The following EXTL3 variants were observed in gnomAD, a reference collection of about 807,000 sequenced individuals.
The protein encoded by EXTL3 is exostosin like glycosyltransferase 3.
A neutral mutation model predicts 69.3 loss-of-function variants in EXTL3; 27 were observed. That is an observed-to-expected ratio of 0.39 (90% CI 0.29 to 0.54). The LOEUF (loss-of-function observed/expected upper bound fraction) is 0.54, where lower values mean the gene tolerates loss of function less well. EXTL3 is among the 20% of genes least tolerant of loss of function. EXTL3 has a pLI of 0.69. For synonymous variants in EXTL3, 511 were observed against 499.4 expected, an observed-to-expected ratio of 1.02 and a Z score of -0.31; for missense variants, 1,003 against 1,231.8, an observed-to-expected ratio of 0.81 and a Z score of 2.78.
intron 6 of EXTL3, among the ~76,000 whole-genome samples, chr8:28,747,395 C>T (rs551469954): frequency 6.6e-6 from 1 of 152,284 alleles, no homozygotes; most frequent in East Asian, 1.9e-4. Flanking sequence ...GGGGAGCCAC[C>T]CTTTGAGCAC....
intron 4 of EXTL3, among the ~76,000 whole-genome samples, chr8:28,735,963 C>T (rs1195707776): frequency 6.6e-6 from 1 of 151,960 alleles, no homozygotes; most frequent in East Asian, 1.9e-4. Flanking sequence ...TTCATAGAGA[C>T]GGAGAGTAGA....
Position 28,717,437 on chromosome 8 carries a change from G to A in EXTL3, c.1378G>A (p.Val460Ile), listed in dbSNP as rs370924429. 3.8e-5 allele frequency: 61 copies of A among 1,614,198 alleles called. No individual in the cohort carries two copies. Among genetic ancestry groups the A allele is most frequent in the African/African-American group, 2.1e-4 (16 of 75,064 alleles). The change falls in exon 3 of 7, where the codon GTC becomes ATC. Residue 460 changes from valine to isoleucine, a missense_variant. Val to Ile is a conservative substitution (Grantham distance 29, BLOSUM62 3). Around this residue, in one of 2 missense-constraint regions of EXTL3, gnomAD observed 742 missense variants for 815.4 expected, o/e 0.91. Coordinates refer to ENST00000220562, the MANE Select transcript of EXTL3 (RefSeq NM_001440.4). The surrounding 1 kb of genome is among the most constrained non-coding windows in gnomAD (Gnocchi z 8.3). ...CTTCGAAGCCCTGGAAGTCGGTGCC[G>A]TCCCGGTGGTGCTGGGGGAGCAGGT... ...RLFEALEVGA[V>I]PVVLGEQVQL...
At chr8:28,713,395 A>C (rs1801071544) in intron 1 of EXTL3, 62 bp from the exon 2 acceptor site, 1 of 649,272 alleles carries the variant, frequency 1.5e-6, no homozygotes, top group African/African-American at 1.8e-5. Flanking sequence ...TTCAGTATTG[A>C]GTATTTTTCT....
At chr8:28,689,200 A>T (rs891061024) in intron 1 of EXTL3, among the ~76,000 whole-genome samples, 5 of 152,192 alleles carry the variant, frequency 3.3e-5, no homozygotes, top group African/African-American at 1.2e-4. Context: ...AATCACTCAC[A>T]TAAGGCATTT....
In EXTL3 at chr8:28,717,981, G is replaced by A; in HGVS notation, c.1922G>A (p.Gly641Asp). 6.2e-7 allele frequency: 1 copy of A among 1,614,186 alleles called. No individual in the cohort carries two copies. Among genetic ancestry groups the A allele is most frequent in the Middle Eastern group, 1.6e-4 (1 of 6,062 alleles). ...GGGACTGGCTTTCGGCCTATTGGTG[G>A]TGGAGCTGGGGGTTCTGGCAAGGAA... The part of the protein sequence containing the change: ...GSGTGFRPIG[G>D]GAGGSGKEFQ... Residue 641 changes from glycine (G) to aspartate (D), a missense_variant, in exon 3 of 7, where the codon GGT becomes GAT. This residue lies in a region of EXTL3 where 261 missense variants were observed against 416.4 expected (regional missense o/e 0.63). Transcript: ENST00000220562. This position sits in a 1 kb window ranked among gnomAD's most constrained non-coding sequence, Gnocchi z 8.3.
intron 1 of EXTL3, among the ~76,000 whole-genome samples, chr8:28,705,614 C>CT (rs1360953481): frequency 1.3e-5 from 2 of 151,778 alleles, no homozygotes; most frequent in Admixed American, 1.3e-4. Context: ...ACTTGCTTCA[C>CT]TTTCTCTATC....
At chr8:28,659,249 T>C (rs1807065913) in intron 1 of EXTL3, among the ~76,000 whole-genome samples, 1 of 152,218 alleles carries the variant, frequency 6.6e-6, no homozygotes, top group South Asian at 2.1e-4. Flanking sequence ...TTCATTTTTT[T>C]TTTTTTCCAT....
chr8:28,617,655 A>G (rs1386800017), intron 2 of EXTL3, among the ~76,000 whole-genome samples: 1 of 152,170 alleles, frequency 6.6e-6, no homozygotes, highest in Non-Finnish European at 1.5e-5. Flanking sequence ...GTGATGGCAC[A>G]TGCCTGTAGT....
rs1288613234 is a variant in EXTL3, at chr8:28,717,996, C to T, written c.1937C>T (p.Ser646Phe). ...CCTATTGGTGGTGGAGCTGGGGGTTCTGGCAAGGAATTTCAGGCAGCGCTT... is the reference window on the plus strand; with the variant it reads ...CCTATTGGTGGTGGAGCTGGGGGTTTTGGCAAGGAATTTCAGGCAGCGCTT... ...FRPIGGGAGGSGKEFQAALGG... is the reference protein window; with the variant it reads ...FRPIGGGAGGFGKEFQAALGG... Residue 646 changes from serine to phenylalanine, a missense_variant, in exon 3 of 7, where the codon TCT becomes TTT. Physicochemically the swap from Ser to Phe is radical, Grantham distance 155 (BLOSUM62 -2). This residue lies in a region of EXTL3 where 261 missense variants were observed against 416.4 expected (regional missense o/e 0.63). Transcript: ENST00000220562. The surrounding 1 kb of genome is among the most constrained non-coding windows in gnomAD (Gnocchi z 8.3). The T allele has an allele frequency of 6.2e-7, 1 of 1,614,082 alleles. No individual in the cohort carries two copies. Among genetic ancestry groups the T allele is most frequent in the Admixed American group, 1.7e-5 (1 of 60,014 alleles).
intron 1 of EXTL3, among the ~76,000 whole-genome samples, chr8:28,671,992 C>CT (rs1274155801): frequency 2.0e-5 from 3 of 152,098 alleles, no homozygotes; most frequent in Admixed American, 6.6e-5. Flanking sequence ...AAAACAAAAA[C>CT]TTATGTTCCT....
chr8:28,671,301 T>A (rs1293389490), intron 1 of EXTL3, among the ~76,000 whole-genome samples: 11 of 143,344 alleles, frequency 7.7e-5, no homozygotes, highest in Admixed American at 7.6e-4. Context: ...TTTTATGTTT[T>A]GTTTTTTGTT....
chr8:28,641,097 A>ACGGGT (rs1241974324), intron 1 of EXTL3, among the ~76,000 whole-genome samples: 2 of 152,230 alleles, frequency 1.3e-5, no homozygotes, highest in Non-Finnish European at 2.9e-5. Flanking sequence ...TCTGTGCTCC[A>ACGGGT]CGGGTCGGGT....
intron 3 of EXTL3, among the ~76,000 whole-genome samples, chr8:28,719,408 G>A (rs1455991585): frequency 6.6e-6 from 1 of 152,014 alleles, no homozygotes; most frequent in Non-Finnish European, 1.5e-5. Flanking sequence ...CTATGCTCTG[G>A]GCAGCTTTAA....
chr8:28,619,995 C>T (rs1366949107), upstream of EXTL3, among the ~76,000 whole-genome samples: 2 of 151,224 alleles, frequency 1.3e-5, no homozygotes, highest in African/African-American at 2.4e-5. Context: ...CTCAACCTCC[C>T]GAGTAGCTGG....
rs1431518065 is a variant in EXTL3 at position 28,677,356 on chromosome 8, A to T, written c.-52-36101A>T. On this transcript the variant is annotated intron_variant, in intron 1 of 6. Transcript: ENST00000523149. ...TTACTTGTACCTTTCTGACTCCCCC[A>T]CTGTGCCTAGGAGCCTTTGTCTCTC... 2.0e-5 allele frequency among the ~76,000 whole-genome samples: 3 copies of T among 152,132 alleles called. No individual in the cohort carries two copies. The East Asian group carries it at 5.8e-4, about 29-fold the overall frequency.
At chr8:28,672,365 C>T (rs1440447341) in intron 1 of EXTL3, among the ~76,000 whole-genome samples, 1 of 133,004 alleles carries the variant, frequency 7.5e-6, no homozygotes, top group African/African-American at 2.9e-5. Context: ...TTGCAGTGAG[C>T]CGAGATCGTG....
chr8:28,636,289 G>A (rs1290528082), intron 1 of EXTL3, among the ~76,000 whole-genome samples: 3 of 149,720 alleles, frequency 2.0e-5, no homozygotes, highest in East Asian at 3.9e-4. Flanking sequence ...CCGAGATCGC[G>A]CGACTGCACT....
upstream of EXTL3, among the ~76,000 whole-genome samples, chr8:28,619,116 A>AAG (rs1563426097): frequency 7.8e-6 from 1 of 128,156 alleles, no homozygotes; most frequent in African/African-American, 2.9e-5. Context: ...AAAAAAAAAA[A>AAG]CAGCAGACCC....
chr8:28,725,837 G>A (rs1237540748), intron 3 of EXTL3, among the ~76,000 whole-genome samples: 2 of 152,064 alleles, frequency 1.3e-5, no homozygotes, highest in Non-Finnish European at 2.9e-5. Flanking sequence ...CAACAAAAAT[G>A]AGAACCTTTC....
Sources: allele counts gnomAD v4.1 joint callset (sites outside exome capture counted in the v4.1 genomes callset), GRCh38; gene constraint gnomAD v4.1.1; regional missense constraint gnomAD v4.1.1; non-coding constraint Gnocchi (gnomAD v3.1); transcripts MANE v1.5; gene names NCBI Gene and HGNC (gene_info 2026-07-23, HGNC 2026-07-21).